ECHDC1: variants seen among roughly 807,000 people sequenced by gnomAD.
ECHDC1 encodes ethylmalonyl-CoA decarboxylase 1.
A neutral mutation model predicts 29.7 loss-of-function variants in ECHDC1; 29 were observed. The observed-to-expected ratio is 0.98, with a 90% CI of 0.73 to 1.33. The LOEUF (loss-of-function observed/expected upper bound fraction) is 1.33, where lower values mean the gene tolerates loss of function less well. Among genes scored for constraint, ECHDC1 ranks in the 40% most tolerant of loss-of-function variants. ECHDC1 has a pLI of 0.00. For synonymous variants in ECHDC1, 126 were observed against 123.1 expected, an observed-to-expected ratio of 1.02 and a Z score of -0.15; for missense variants, 328 against 350.0, an observed-to-expected ratio of 0.94 and a Z score of 0.50.
intron 5 of ECHDC1, among the ~76,000 whole-genome samples, chr6:127,305,622 T>C (rs1781381086): frequency 1.3e-5 from 2 of 152,130 alleles, no homozygotes; most frequent in Non-Finnish European, 2.9e-5. Flanking sequence ...ACATAGACAG[T>C]ATACAACAAA....
chr6:127,309,316 G>A (rs765150421), intron 5 of ECHDC1, among the ~76,000 whole-genome samples: 15 of 151,824 alleles, frequency 9.9e-5, no homozygotes, highest in Non-Finnish European at 2.1e-4. Context: ...TTCAACAAAG[G>A]TACCAAGAAC....
At chr6:127,328,174 A>C (rs3823043) in intron 2 of ECHDC1, among the ~76,000 whole-genome samples, 10,627 of 152,322 alleles carry the variant, frequency 0.07, 396 homozygotes, top group South Asian at 0.098. Flanking sequence ...TATGTTAATG[A>C]TACTAACTCA....
At position 127,289,145 on chromosome 6, in the gene ECHDC1, G is replaced by A. The variant is rs1363769012; in HGVS notation, c.*724C>T. The A allele has an allele frequency of 6.6e-6, 1 of 152,034 alleles. No homozygotes were observed. Among genetic ancestry groups the A allele is most frequent in the Non-Finnish European group, 1.5e-5 (1 of 67,978 alleles). 9.4% of individuals were successfully genotyped at this position (152,034 alleles called of 1,614,324 possible). ...ATTTATGTTGCAGGATGCTTCATGA[G>A]TCCCTTCAAGTGGTTTAAAACTACA... On this transcript the variant is annotated 3_prime_UTR_variant, in exon 6 of 6. Transcript: ENST00000454859.
At chr6:127,311,518 T>C (rs1186648282) in intron 5 of ECHDC1, among the ~76,000 whole-genome samples, 2 of 149,664 alleles carry the variant, frequency 1.3e-5, no homozygotes, top group Non-Finnish European at 3.0e-5. Flanking sequence ...CTACTAAAAG[T>C]ACAAAAATTA....
chr6:127,293,660 A>G (rs940197441), intron 5 of ECHDC1, among the ~76,000 whole-genome samples: 11 of 152,202 alleles, frequency 7.2e-5, no homozygotes, highest in South Asian at 4.1e-4. Context: ...CCTCAAACAC[A>G]TCTACAAGAG....
intron 1 of ECHDC1, among the ~76,000 whole-genome samples, chr6:127,333,665 T>C (rs1364854223): frequency 1.2e-5 from 1 of 81,650 alleles, no homozygotes; most frequent in African/African-American, 4.4e-5. Flanking sequence ...TCTCTTTCTC[T>C]TACACACACA....
Position 127,302,399 on chromosome 6 carries a change from CT to C in ECHDC1, c.498-12123del, listed in dbSNP as rs770299947. Among the ~76,000 whole-genome samples, 339 of 147,242 alleles carry C rather than the reference CT, an allele frequency of 2.3e-3. 1 individual carries two copies. Among genetic ancestry groups the C allele is most frequent in the South Asian group, 5.0e-3 (23 of 4,644 alleles). ...GCACACTTGCATGTAGCTTAAGATTCTTTTTTTTTTTCTTTTTGAGACAGAG... is the reference window on the plus strand; with the variant it reads ...GCACACTTGCATGTAGCTTAAGATTCTTTTTTTTTTCTTTTTGAGACAGAG... On this transcript the variant is annotated intron_variant, in intron 5 of 5. Coordinates refer to ENST00000454859, the MANE Select transcript of ECHDC1 (RefSeq NM_001002030.2).
At chr6:127,320,923 T>C (rs967544613) in intron 3 of ECHDC1, among the ~76,000 whole-genome samples, 6 of 152,066 alleles carry the variant, frequency 3.9e-5, no homozygotes, top group African/African-American at 1.4e-4. Flanking sequence ...GAATAATAGA[T>C]AAGAAATATA....
intron 2 of ECHDC1, among the ~76,000 whole-genome samples, chr6:127,330,423 C>T (rs760951460): frequency 2.0e-5 from 3 of 152,172 alleles, no homozygotes; most frequent in Non-Finnish European, 2.9e-5. Flanking sequence ...TAATTCTTTT[C>T]ATTAACAGGC....
intron 3 of ECHDC1, among the ~76,000 whole-genome samples, chr6:127,318,916 C>G (rs889222145): frequency 6.6e-6 from 1 of 152,160 alleles, no homozygotes; most frequent in Non-Finnish European, 1.5e-5. Context: ...AACACAGGCA[C>G]GAGGAGCTAA....
At chr6:127,314,694 A>T in intron 5 of ECHDC1, 122 bp downstream of exon 5, 1 of 707,844 alleles carries the variant, frequency 1.4e-6, no homozygotes, top group Non-Finnish European at 2.3e-6. Context: ...AAAAGAAAAC[A>T]TTCAGAAAAG....
At position 127,289,025 on chromosome 6, in the gene ECHDC1, T is replaced by C. The variant is rs1779875288; in HGVS notation, c.*844A>G. On this transcript the variant is annotated 3_prime_UTR_variant, in exon 6 of 6. Transcript: ENST00000454859. ...TATTGCTGGGATCATAAACATTTTA[T>C]GTTGTGCATTTTTATTACATTTACT... 6.6e-6 allele frequency: 1 copy of C among 152,102 alleles called. No individual in the cohort carries two copies. The highest frequency in any genetic ancestry group is 6.6e-5 in the Admixed American group (1 of 15,254). 9.4% of individuals were successfully genotyped at this position (152,102 alleles called of 1,614,324 possible). A position where few individuals can be genotyped will look rare whatever the true frequency, so the allele number is the denominator to read the frequency against.
intron 3 of ECHDC1, among the ~76,000 whole-genome samples, chr6:127,323,364 G>A (rs553680707): frequency 9.2e-5 from 14 of 152,054 alleles, no homozygotes; most frequent in Admixed American, 7.9e-4. Context: ...TGCTATAACC[G>A]TTCAGATACA....
chr6:127,316,069 A>C, intron 4 of ECHDC1: 1 of 471,248 alleles, frequency 2.1e-6, no homozygotes, highest in South Asian at 1.5e-5. Context: ...AGACCACTTC[A>C]CCACACATTC....
At chr6:127,316,601 T>C (rs1782402963) in intron 3 of ECHDC1, 99 bp from the exon 4 acceptor site, 2 of 940,648 alleles carry the variant, frequency 2.1e-6, no homozygotes, top group East Asian at 5.5e-5. Context: ...GCCAAAAATA[T>C]GTCTTTTTTA....
chr6:127,289,816 A>G lies in ECHDC1; in HGVS notation c.*53T>C. On this transcript the variant is annotated 3_prime_UTR_variant, in exon 6 of 6. Coordinates refer to ENST00000454859, the MANE Select transcript of ECHDC1 (RefSeq NM_001002030.2). ...TCATATTTAATATCATTTAACATTT[A>G]TACATATTAGTCACTGGAGCTTTAC... The G allele has an allele frequency of 6.8e-7, 1 of 1,480,198 alleles. No homozygotes were observed. The highest frequency in any genetic ancestry group is 1.3e-5 in the South Asian group (1 of 76,522). The allele number at this position is 1,480,198 out of a possible 1,614,324, so 91.7% of individuals were successfully genotyped here.
chr6:127,291,232 C>T (rs956801589), intron 5 of ECHDC1, among the ~76,000 whole-genome samples: 11 of 150,278 alleles, frequency 7.3e-5, no homozygotes, highest in Non-Finnish European at 1.3e-4. Flanking sequence ...GCTCTAGTTG[C>T]CATGTGCATG....
chr6:127,325,705 T>G (rs1469805295), intron 3 of ECHDC1, among the ~76,000 whole-genome samples: 1 of 70,216 alleles, frequency 1.4e-5, no homozygotes, highest in East Asian at 5.1e-4. Context: ...TTCTCTGAGT[T>G]TCACTATTTT....
At position 127,290,057 on chromosome 6, in the gene ECHDC1, G is replaced by T. The variant is rs1264311583; in HGVS notation, c.718C>A (p.Gln240Lys). The T allele has an allele frequency of 6.2e-7, 1 of 1,613,520 alleles. No individual in the cohort carries two copies. The highest frequency in any genetic ancestry group is 8.5e-7 in the Non-Finnish European group (1 of 1,179,756). ...TGGATGAATTGCTTTAGCCATTCTT[G>T]TGCCTCTTCTAGAGATTTAGTTTCA... ...SDETKSLEEA[Q>K]EWLKQFIQGP... The change falls in exon 6 of 6, where the codon CAA (glutamine) becomes AAA (lysine). Residue 240 changes from glutamine (Q) to lysine (K), a missense_variant. By Grantham distance (53) the Gln-to-Lys change is moderately conservative (BLOSUM62 1). Transcript: ENST00000454859.
Sources: gnomAD v4.1 joint callset for allele counts (sites outside exome capture counted in the v4.1 genomes callset) on GRCh38, gnomAD v4.1.1 for gene constraint, MANE v1.5 for transcripts, NCBI Gene and HGNC (gene_info 2026-07-23, HGNC 2026-07-21) for gene names.